The following GRIN2B variants were observed in gnomAD, a reference collection of about 807,000 sequenced individuals.
GRIN2B encodes the protein glutamate ionotropic receptor NMDA type subunit 2B, also known as glutamate receptor ionotropic, NMDA 2B.
GRIN2B carries 5 observed loss-of-function variants against 114.5 expected under a neutral mutation model. That is an observed-to-expected ratio of 0.04 (90% CI 0.02 to 0.09). The LOEUF (loss-of-function observed/expected upper bound fraction) is 0.09. Among genes scored for constraint, GRIN2B ranks in the 10% least tolerant of loss-of-function variants. The probability of loss-of-function intolerance (pLI) is 1.00; values close to 1 mark genes in which losing one functional copy is unlikely to be tolerated. For missense variants in GRIN2B, 1,108 were observed against 1,943.5 expected (o/e 0.57, Z 8.08); for synonymous variants, 787 against 745.1 (o/e 1.06, Z -0.92).
At chr12:13,831,818 T>C (rs1011502997) in intron 3 of GRIN2B, among the ~76,000 whole-genome samples, 1 of 152,218 alleles carries the variant, frequency 6.6e-6, no homozygotes, top group Non-Finnish European at 1.5e-5. Flanking sequence ...CAAATATTAA[T>C]GTGACTGTTC....
chr12:13,598,668 T>C (rs1006035724), intron 10 of GRIN2B, among the ~76,000 whole-genome samples: 15 of 152,136 alleles, frequency 9.9e-5, no homozygotes, highest in African/African-American at 3.6e-4. Flanking sequence ...AATCCTTTTC[T>C]TACTTTTGAT....
intron 2 of GRIN2B, among the ~76,000 whole-genome samples, chr12:13,897,444 T>G (rs573486747): frequency 1.2e-4 from 19 of 152,300 alleles, no homozygotes; most frequent in Admixed American, 2.6e-4. Flanking sequence ...GAGCATCAGC[T>G]TAGAGAGACT....
intron 2 of GRIN2B, among the ~76,000 whole-genome samples, chr12:13,900,676 C>G (rs1049416611): frequency 6.6e-6 from 1 of 152,116 alleles, no homozygotes; most frequent in Non-Finnish European, 1.5e-5. Context: ...GTATTATCAT[C>G]GTATTCTTCC....
chr12:13,822,451 A>T (rs1864957262), intron 3 of GRIN2B, among the ~76,000 whole-genome samples: 1 of 152,170 alleles, frequency 6.6e-6, no homozygotes, highest in African/African-American at 2.4e-5. Flanking sequence ...TGCATTTACA[A>T]TCTATTTGGT....
intron 4 of GRIN2B, among the ~76,000 whole-genome samples, chr12:13,727,254 C>A (rs1591699127): frequency 6.6e-6 from 1 of 152,112 alleles, no homozygotes; most frequent in Non-Finnish European, 1.5e-5. Context: ...GACTGCCATG[C>A]AAGTCTTCTG....
chr12:13,726,815 G>A (rs188889374), intron 4 of GRIN2B, among the ~76,000 whole-genome samples: 22 of 151,720 alleles, frequency 1.5e-4, no homozygotes, highest in African/African-American at 3.4e-4. Flanking sequence ...TCCCTCACCC[G>A]CCTCCGACCC....
intron 4 of GRIN2B, among the ~76,000 whole-genome samples, chr12:13,731,371 G>A (rs146174534): frequency 6.6e-5 from 10 of 152,180 alleles, no homozygotes; most frequent in Non-Finnish European, 1.2e-4. Context: ...AGGCTGAGAC[G>A]GGTGGATCAT....
chr12:13,812,588 A>G (rs1051769477), intron 3 of GRIN2B, among the ~76,000 whole-genome samples: 1 of 152,230 alleles, frequency 6.6e-6, no homozygotes, highest in Non-Finnish European at 1.5e-5. Flanking sequence ...ACAATATTCA[A>G]CAAATGAACA....
intron 8 of GRIN2B, 65 bp from the exon 9 acceptor site, chr12:13,611,915 A>G (rs1158228851): frequency 6.5e-7 from 1 of 1,538,946 alleles, no homozygotes; most frequent in African/African-American, 1.4e-5. Flanking sequence ...GAATTAATTC[A>G]CATATTCATT....
Position 13,702,275 on chromosome 12 carries a change from T to C in GRIN2B, c.1011-26416A>G, listed in dbSNP as rs1950320098. On this transcript the variant is annotated intron_variant, in intron 4 of 13. Transcript: ENST00000609686. The stretch of plus-strand genomic sequence containing the variant: ...GATTAAAAATATGTTCACCAGGATC[T>C]TTCCCTTAAAGAGGGAATCTCAAGG... Among the ~76,000 whole-genome samples the C allele has an allele frequency of 3.9e-5, 6 of 152,336 alleles. No homozygotes were observed. The South Asian group carries it at 1.2e-3, about 32-fold the overall frequency.
At chr12:13,887,070 C>A (rs1051703358) in intron 2 of GRIN2B, among the ~76,000 whole-genome samples, 9 of 152,090 alleles carry the variant, frequency 5.9e-5, no homozygotes, top group African/African-American at 1.9e-4. Context: ...ATCTCTAATG[C>A]GCATGCTCTT....
At chr12:13,974,757 C>T (rs1037585566) in intron 2 of GRIN2B, among the ~76,000 whole-genome samples, 22 of 152,022 alleles carry the variant, frequency 1.4e-4, no homozygotes, top group African/African-American at 3.9e-4. Flanking sequence ...TCCTGCTCCA[C>T]ACCACTAGAT....
chr12:13,597,169 A>G (rs1949084297), intron 10 of GRIN2B, among the ~76,000 whole-genome samples: 1 of 152,206 alleles, frequency 6.6e-6, no homozygotes, highest in African/African-American at 2.4e-5. Flanking sequence ...GGACATAAAG[A>G]TTAAAAGTAG....
chr12:13,751,112 G>C (rs915617044), intron 4 of GRIN2B, among the ~76,000 whole-genome samples: 1 of 152,114 alleles, frequency 6.6e-6, no homozygotes, highest in Non-Finnish European at 1.5e-5. Context: ...AGAGAGGAAA[G>C]AGCTGGAAGC....
chr12:13,564,738 A>G lies in GRIN2B; in HGVS notation c.2599-99T>C. On this transcript the variant is annotated intron_variant, in intron 13 of 13. Transcript: ENST00000609686. This position sits in a 1 kb window ranked among gnomAD's most constrained non-coding sequence, Gnocchi z 4.8. ...AATAATTGCTCCAACTGGATAAGAAAAAGGGAAAGCATGAAGCGAATAGTC... is the reference window on the plus strand; with the variant it reads ...AATAATTGCTCCAACTGGATAAGAAGAAGGGAAAGCATGAAGCGAATAGTC... 9.3e-7 allele frequency: 1 copy of G among 1,079,774 alleles called. No individual in the cohort carries two copies. Among genetic ancestry groups the G allele is most frequent in the Non-Finnish European group, 1.4e-6 (1 of 703,550 alleles). The allele number at this position is 1,079,774 out of a possible 1,614,324, so 66.9% of individuals were successfully genotyped here.
Position 13,563,916 on chromosome 12 carries a change from C to A in GRIN2B, c.3322G>T (p.Ala1108Ser). 2 of 1,614,162 alleles carry A rather than the reference C, an allele frequency of 1.2e-6. No individual in the cohort carries two copies. The highest frequency in any genetic ancestry group is 2.7e-5 in the African/African-American group (2 of 75,058). Residue 1108 changes from alanine (A) to serine (S), a missense_variant, in exon 14 of 14, where the codon GCC becomes TCC. Around this residue, in one of 19 missense-constraint regions of GRIN2B, gnomAD observed 18 missense variants for 23.6 expected, o/e 0.76. Coordinates refer to ENST00000609686, the MANE Select transcript of GRIN2B (RefSeq NM_000834.5). ...GAGCGGGGCGGTCGGCGACGGTAGGCCAGCTCGATCTCGTCAAACTCCCTG... is the reference window on the plus strand; with the variant it reads ...GAGCGGGGCGGTCGGCGACGGTAGGACAGCTCGATCTCGTCAAACTCCCTG... ...SRREFDEIEL[A>S]YRRRPPRSPD...
intron 5 of GRIN2B, among the ~76,000 whole-genome samples, chr12:13,670,902 T>TAGG (rs1391182617): frequency 2.6e-5 from 4 of 152,268 alleles, no homozygotes; most frequent in Admixed American, 6.5e-5. Flanking sequence ...GTTCCTTACA[T>TAGG]AGGATCCCAT....
intron 3 of GRIN2B, among the ~76,000 whole-genome samples, chr12:13,828,896 C>A (rs548512547): frequency 6.6e-6 from 1 of 152,246 alleles, no homozygotes; most frequent in African/African-American, 2.4e-5. Context: ...CCAGTCTTTA[C>A]CCTGGCCTCT....
At chr12:13,781,327 T>G (rs1425301165) in intron 3 of GRIN2B, among the ~76,000 whole-genome samples, 1 of 152,218 alleles carries the variant, frequency 6.6e-6, no homozygotes, top group Non-Finnish European at 1.5e-5. Flanking sequence ...AAAGAACACA[T>G]GAGAATGTTT....
Sources: allele counts gnomAD v4.1 joint callset (sites outside exome capture counted in the v4.1 genomes callset), GRCh38; gene constraint gnomAD v4.1.1; regional missense constraint gnomAD v4.1.1; non-coding constraint Gnocchi (gnomAD v3.1); transcripts MANE v1.5; gene names NCBI Gene and HGNC (gene_info 2026-07-23, HGNC 2026-07-21).